Variants in CYB5R4 observed in about 807,000 individuals in gnomAD.
CYB5R4 encodes cytochrome b5 reductase 4, also known as N-terminal cytochrome b5 and cytochrome b5 oxidoreductase domain-containing protein.
CYB5R4 carries 55 observed loss-of-function variants against 70.2 expected under a neutral mutation model. That is an observed-to-expected ratio of 0.78 (90% CI 0.63 to 0.98). CYB5R4 has a LOEUF of 0.98. Ranked by LOEUF, CYB5R4 falls within the 50% of genes least tolerant of loss-of-function variation. CYB5R4 has a pLI of 0.00. For synonymous variants in CYB5R4, 197 were observed against 199.5 expected, an observed-to-expected ratio of 0.99 and a Z score of 0.11; for missense variants, 562 against 612.6, an observed-to-expected ratio of 0.92 and a Z score of 0.87.
chr6:83,882,176 C>A (rs1450083668), intron 2 of CYB5R4, among the ~76,000 whole-genome samples: 2 of 152,052 alleles, frequency 1.3e-5, no homozygotes, highest in African/African-American at 4.8e-5. Flanking sequence ...TGTGAGTTTC[C>A]CATTTCTTAT....
In CYB5R4 at chr6:83,961,053, G is replaced by T. The variant is rs2099473261; in HGVS notation, c.*1175G>T. 1 of 152,168 alleles carries T rather than the reference G, an allele frequency of 6.6e-6. No individual in the cohort carries two copies. Among genetic ancestry groups the T allele is most frequent in the Non-Finnish European group, 1.5e-5 (1 of 68,024 alleles). 9.4% of individuals were successfully genotyped at this position (152,168 alleles called of 1,614,324 possible). A position where few individuals can be genotyped will look rare whatever the true frequency, so the allele number is the denominator to read the frequency against. On this transcript the variant is annotated 3_prime_UTR_variant, in exon 16 of 16. Transcript: ENST00000369681. ...CTCCAATTTCTCTGTAAATGATTTT[G>T]TAAACAGCTAAATCTTTGCTGAATG...
At chr6:83,889,411 A>G (rs770239490) in intron 2 of CYB5R4, among the ~76,000 whole-genome samples, 1 of 152,166 alleles carries the variant, frequency 6.6e-6, no homozygotes, top group Non-Finnish European at 1.5e-5. Context: ...TACCATTCCA[A>G]GAATCCTAGG....
rs1374144869 is a variant in CYB5R4 at position 83,908,095 on chromosome 6, A to G, written c.331-914A>G. 6.3e-5 allele frequency among the ~76,000 whole-genome samples: 9 copies of G among 143,810 alleles called. 1 individual carries two copies. In the South Asian group the frequency reaches 1.9e-3, roughly 30 times the overall value. The allele number at this position is 143,810 out of a possible 152,430, so 94.3% of individuals were successfully genotyped here. A position where few individuals can be genotyped will look rare whatever the true frequency, so the allele number is the denominator to read the frequency against. ...GTTGAACTAATTTACAGTCTCACCA[A>G]CAGTTGTATAAACATCCTCTTTTCT... On this transcript the variant is annotated intron_variant, in intron 3 of 15. Transcript: ENST00000369681.
chr6:83,904,537 G>T (rs2099463471), intron 3 of CYB5R4, among the ~76,000 whole-genome samples: 1 of 152,170 alleles, frequency 6.6e-6, no homozygotes, highest in African/African-American at 2.4e-5. Flanking sequence ...ATAAATGTCT[G>T]CTAGGTCCAT....
chr6:83,873,235 CTTTTT>C (rs927399068), intron 2 of CYB5R4, among the ~76,000 whole-genome samples: 1 of 99,780 alleles, frequency 1.0e-5, no homozygotes, highest in East Asian at 2.9e-4. Context: ...GGGTATCCTT[CTTTTT>C]TTTTTTTTTT....
In CYB5R4 at chr6:83,955,675, C is replaced by A. The variant is rs529378309; in HGVS notation, c.1511+213C>A. On this transcript the variant is annotated intron_variant, in intron 15 of 15. Coordinates refer to ENST00000369681, the MANE Select transcript of CYB5R4 (RefSeq NM_016230.4). ...ATAAAACATAAAAGTAAGTTACAGC[C>A]AGCAGTCAGTGTTCTCTGCTCGTGA... Among the ~76,000 whole-genome samples the A allele has an allele frequency of 2.6e-5, 4 of 152,262 alleles. No homozygotes were observed. The South Asian group carries it at 8.3e-4, about 32-fold the overall frequency.
At chr6:83,866,555 CTG>C (rs2099456739) in intron 2 of CYB5R4, among the ~76,000 whole-genome samples, 1 of 151,534 alleles carries the variant, frequency 6.6e-6, no homozygotes, top group South Asian at 2.1e-4. Context: ...TCCATATCCT[CTG>C]TAATGATTTG....
intron 12 of CYB5R4, among the ~76,000 whole-genome samples, chr6:83,939,394 G>C (rs183845971): frequency 1.3e-5 from 2 of 152,158 alleles, no homozygotes; most frequent in Non-Finnish European, 2.9e-5. Context: ...TTTCTCAACT[G>C]TGTTGATTCT....
At chr6:83,874,860 G>A (rs2099458263) in intron 2 of CYB5R4, among the ~76,000 whole-genome samples, 1 of 149,862 alleles carries the variant, frequency 6.7e-6, no homozygotes, top group Admixed American at 6.7e-5. Flanking sequence ...GTCTCACTCT[G>A]TCGCCAGGCT....
intron 2 of CYB5R4, among the ~76,000 whole-genome samples, chr6:83,870,006 C>A (rs4707021): frequency 0.79 from 120,133 of 152,136 alleles, 47,995 homozygotes; most frequent in African/African-American, 0.89. Context: ...TCATTCAGAC[C>A]TGAGTTATAG....
intron 14 of CYB5R4, among the ~76,000 whole-genome samples, chr6:83,952,635 T>G (rs1298158099): frequency 6.6e-6 from 1 of 152,098 alleles, no homozygotes; most frequent in Non-Finnish European, 1.5e-5. Flanking sequence ...AATAAACCCA[T>G]TAAACCTTAT....
chr6:83,911,991 A>C (rs2099464763), intron 4 of CYB5R4, among the ~76,000 whole-genome samples: 1 of 144,984 alleles, frequency 6.9e-6, no homozygotes, highest in Non-Finnish European at 1.5e-5. Context: ...CACCAGGCAG[A>C]GGTTGCAGTG....
At position 83,864,277 on chromosome 6, in the gene CYB5R4, G is replaced by C; in HGVS notation, c.178G>C (p.Glu60Gln). 6.2e-7 allele frequency: 1 copy of C among 1,613,356 alleles called. No homozygotes were observed. The highest frequency in any genetic ancestry group is 8.5e-7 in the Non-Finnish European group (1 of 1,179,594). The change falls in exon 2 of 16, where the codon GAA becomes CAA. Residue 60 changes from glutamate to glutamine, a missense_variant. Physicochemically the swap from Glu to Gln is conservative, Grantham distance 29. Coordinates refer to ENST00000369681, the MANE Select transcript of CYB5R4 (RefSeq NM_016230.4). ...LKGRLIEVTEEELKKHNKKDD... is the reference protein window; with the variant it reads ...LKGRLIEVTEQELKKHNKKDD... ...AGGCAGGTTAATTGAAGTAACTGAA[G>C]AAGAACTTAAGAAACACAACAAAAA...
chr6:83,868,436 C>T (rs2099457069), intron 2 of CYB5R4, among the ~76,000 whole-genome samples: 3 of 152,136 alleles, frequency 2.0e-5, no homozygotes, highest in Admixed American at 1.3e-4. Flanking sequence ...GGTATAAAAA[C>T]AGCACTTGGC....
chr6:83,915,534 C>T (rs1461531652), intron 5 of CYB5R4, among the ~76,000 whole-genome samples: 3 of 152,158 alleles, frequency 2.0e-5, no homozygotes, highest in Non-Finnish European at 2.9e-5. Flanking sequence ...ATAGACTAGG[C>T]ATTTTCTTTC....
chr6:83,904,650 T>G (rs996269851), intron 3 of CYB5R4, among the ~76,000 whole-genome samples: 1 of 152,242 alleles, frequency 6.6e-6, no homozygotes, highest in African/African-American at 2.4e-5. Flanking sequence ...TATTATTGTA[T>G]TGGAGTTTCT....
In CYB5R4 at chr6:83,940,053, T is replaced by C. The variant is rs1352286234; in HGVS notation, c.1109-3T>C. 2 of 1,570,552 alleles carry C rather than the reference T, an allele frequency of 1.3e-6. No individual in the cohort carries two copies. The highest frequency in any genetic ancestry group is 2.3e-5 in the East Asian group (1 of 44,246). On this transcript the variant is annotated splice_region_variant and splice_polypyrimidine_tract_variant and intron_variant, in intron 12 of 15. Coordinates refer to ENST00000369681, the MANE Select transcript of CYB5R4 (RefSeq NM_016230.4). ...CTGATTTAGCTTATGTTTCATTGTT[T>C]AGGAGATTTTGTTTCTGTAAGCAGT...
intron 1 of CYB5R4, 47 bp from the exon 2 acceptor site, chr6:83,864,127 AT>A: frequency 6.8e-7 from 1 of 1,465,218 alleles, no homozygotes; most frequent in Non-Finnish European, 9.1e-7. Context: ...TTAAAATGGA[AT>A]TAAAAGTAAT....
At chr6:83,940,631 G>A in intron 14 of CYB5R4, 30 bp downstream of exon 14, 1 of 1,580,292 alleles carries the variant, frequency 6.3e-7, no homozygotes. Context: ...TCTGCGTTTA[G>A]TTATTTATAC....
Sources: allele counts gnomAD v4.1 joint callset (sites outside exome capture counted in the v4.1 genomes callset), GRCh38; gene constraint gnomAD v4.1.1; transcripts MANE v1.5; gene names NCBI Gene and HGNC (gene_info 2026-07-23, HGNC 2026-07-21).